Variants in ZNF804B observed in about 807,000 individuals in gnomAD.
ZNF804B encodes zinc finger protein 804B, also known as zinc finger 804B.
In ZNF804B, 80 loss-of-function variants were observed where a neutral mutation model predicts 101.4. The ratio of observed to expected loss-of-function variants is 0.79; its 90% CI spans 0.66 to 0.95. ZNF804B has a LOEUF of 0.95. ZNF804B is among the 40% of genes least tolerant of loss of function. ZNF804B has a pLI of 0.00. For missense variants in ZNF804B, 1,673 were observed against 1,561.9 expected (o/e 1.07, Z -1.20); for synonymous variants, 622 against 558.8 (o/e 1.11, Z -1.59).
At chr7:89,164,388 T>C (rs1181731538) in intron 1 of ZNF804B, among the ~76,000 whole-genome samples, 1 of 151,934 alleles carries the variant, frequency 6.6e-6, no homozygotes, top group Non-Finnish European at 1.5e-5. Flanking sequence ...CGTGGAAAAC[T>C]GGGGGGAAAG....
chr7:89,017,698 A>C (rs1455527893), intron 1 of ZNF804B, among the ~76,000 whole-genome samples: 1 of 152,020 alleles, frequency 6.6e-6, no homozygotes, highest in Non-Finnish European at 1.5e-5. Context: ...AATTTCTTTC[A>C]TCAGTGTTGT....
At chr7:88,909,517 G>A (rs1471295460) in intron 1 of ZNF804B, among the ~76,000 whole-genome samples, 2 of 151,716 alleles carry the variant, frequency 1.3e-5, no homozygotes, top group African/African-American at 2.4e-5. Context: ...AAATTACAGA[G>A]CAGACTTCAT....
intron 1 of ZNF804B, among the ~76,000 whole-genome samples, chr7:88,857,152 G>C (rs191463269): frequency 1.6e-4 from 25 of 152,100 alleles, no homozygotes; most frequent in African/African-American, 5.5e-4. Context: ...GCCCACAAGA[G>C]AAAGCAGGAA....
In ZNF804B at chr7:88,796,009, C is replaced by G. The variant is rs1236637802; in HGVS notation, c.108+35925C>G. ...ATGGTTGTAGAACTCCTCTGTTCTA[C>G]TTAGACACTAACTAAAGACTTCAGG... On this transcript the variant is annotated intron_variant, in intron 1 of 3. Transcript: ENST00000333190. Among the ~76,000 whole-genome samples the G allele has an allele frequency of 2.6e-5, 4 of 151,970 alleles. No individual in the cohort carries two copies. In the South Asian group the frequency reaches 8.3e-4, roughly 32 times the overall value.
Position 89,334,658 on chromosome 7 carries a change from C to A in ZNF804B, c.1676C>A (p.Ser559Tyr). The A allele has an allele frequency of 1.2e-6, 2 of 1,613,752 alleles. No individual in the cohort carries two copies. Among genetic ancestry groups the A allele is most frequent in the Non-Finnish European group, 1.7e-6 (2 of 1,179,834 alleles). ...AAATATAATTTGGACTACAGTGATTCTGAGCCAAATAAGAGTGAATATACT... is the reference window on the plus strand; with the variant it reads ...AAATATAATTTGGACTACAGTGATTATGAGCCAAATAAGAGTGAATATACT... ...QRKYNLDYSD[S>Y]EPNKSEYTFS... Residue 559 changes from serine to tyrosine, a missense_variant, in exon 4 of 4, where the codon TCT becomes TAT. Ser to Tyr is a moderately radical substitution (Grantham distance 144). Coordinates refer to ENST00000333190, the MANE Select transcript of ZNF804B (RefSeq NM_181646.5).
At chr7:89,161,620 C>CT (rs1791065834) in intron 1 of ZNF804B, among the ~76,000 whole-genome samples, 1 of 96,978 alleles carries the variant, frequency 1.0e-5, no homozygotes, top group African/African-American at 3.3e-5. Flanking sequence ...AAGTCCTGGG[C>CT]TCAAGCGATC....
intron 1 of ZNF804B, among the ~76,000 whole-genome samples, chr7:88,986,628 A>G (rs188398491): frequency 1.3e-5 from 2 of 152,044 alleles, no homozygotes. Flanking sequence ...ACCTCGTGCA[A>G]TGCTGTCCTT....
intron 2 of ZNF804B, among the ~76,000 whole-genome samples, chr7:89,240,996 G>A (rs909166901): frequency 6.6e-6 from 1 of 151,982 alleles, no homozygotes; most frequent in Admixed American, 6.6e-5. Context: ...TGCTGGCACT[G>A]CCGTGTCTGT....
chr7:88,959,213 C>T (rs938286187), intron 1 of ZNF804B, among the ~76,000 whole-genome samples: 2 of 151,332 alleles, frequency 1.3e-5, no homozygotes, highest in Admixed American at 1.3e-4. Context: ...TATGTATTGT[C>T]ATTGTCAGTG....
intron 3 of ZNF804B, among the ~76,000 whole-genome samples, chr7:89,328,308 C>A (rs1037361977): frequency 6.6e-6 from 1 of 151,426 alleles, no homozygotes; most frequent in Non-Finnish European, 1.5e-5. Flanking sequence ...TTTTGTAGGA[C>A]CAATTATGAG....
intron 1 of ZNF804B, among the ~76,000 whole-genome samples, chr7:89,015,352 T>A (rs1584073732): frequency 1.3e-5 from 2 of 151,908 alleles, no homozygotes; most frequent in Middle Eastern, 6.8e-3. Context: ...ATTATTATTA[T>A]ACTTTAAGAT....
chr7:88,762,195 A>G (rs1168862345), intron 1 of ZNF804B, among the ~76,000 whole-genome samples: 1 of 152,246 alleles, frequency 6.6e-6, no homozygotes, highest in African/African-American at 2.4e-5. Context: ...TCTAAATTAA[A>G]TGATATATGT....
chr7:89,198,315 A>G (rs1385441721), intron 1 of ZNF804B, among the ~76,000 whole-genome samples: 2 of 151,926 alleles, frequency 1.3e-5, no homozygotes, highest in Non-Finnish European at 2.9e-5. Flanking sequence ...TTATAAATTG[A>G]TACCTTTCAT....
chr7:88,790,639 T>A (rs1790366846), intron 1 of ZNF804B, among the ~76,000 whole-genome samples: 1 of 152,136 alleles, frequency 6.6e-6, no homozygotes, highest in Admixed American at 6.6e-5. Context: ...TTCATAGTAT[T>A]CCATATCACA....
At chr7:89,203,289 G>A (rs1374612918) in intron 1 of ZNF804B, among the ~76,000 whole-genome samples, 1 of 152,124 alleles carries the variant, frequency 6.6e-6, no homozygotes, top group African/African-American at 2.4e-5. Flanking sequence ...AGCATTTTTA[G>A]TTAGTTCTCA....
At chr7:88,928,486 A>C (rs1273346107) in intron 1 of ZNF804B, among the ~76,000 whole-genome samples, 1 of 152,140 alleles carries the variant, frequency 6.6e-6, no homozygotes, top group Admixed American at 6.6e-5. Flanking sequence ...GGAGTTGGCA[A>C]ATACCCTGGG....
intron 1 of ZNF804B, among the ~76,000 whole-genome samples, chr7:88,952,038 T>C (rs9641039): frequency 0.058 from 8,765 of 151,920 alleles, 394 homozygotes; most frequent in East Asian, 0.2. Flanking sequence ...TACAAAGCAA[T>C]GGCATTTCAA....
chr7:89,195,824 A>G (rs1486171233), intron 1 of ZNF804B, among the ~76,000 whole-genome samples: 1 of 151,972 alleles, frequency 6.6e-6, no homozygotes, highest in African/African-American at 2.4e-5. Flanking sequence ...AAAGAAGAAA[A>G]TACCTAGAAA....
rs574020566 is a variant in ZNF804B at position 89,236,053 on chromosome 7, A to T, written c.249+17758A>T. ...GCTTCTCAAATACACATCAAGTTAT[A>T]ATGCTTAGTAGGTGTAATAATATTT... On this transcript the variant is annotated intron_variant, in intron 2 of 3. Coordinates refer to ENST00000333190, the MANE Select transcript of ZNF804B (RefSeq NM_181646.5). Among the ~76,000 whole-genome samples, 4 of 152,278 alleles carry T rather than the reference A, an allele frequency of 2.6e-5. No individual in the cohort carries two copies. The South Asian group carries it at 8.3e-4, about 32-fold the overall frequency.
Sources: allele counts gnomAD v4.1 joint callset (sites outside exome capture counted in the v4.1 genomes callset), GRCh38; gene constraint gnomAD v4.1.1; transcripts MANE v1.5; gene names NCBI Gene and HGNC (gene_info 2026-07-23, HGNC 2026-07-21).